The following DOCK9 variants were observed in gnomAD, a reference collection of about 807,000 sequenced individuals.
DOCK9 encodes dedicator of cytokinesis 9.
A neutral mutation model predicts 263.3 loss-of-function variants in DOCK9; 89 were observed. That is an observed-to-expected ratio of 0.34 (90% CI 0.28 to 0.40). The LOEUF (loss-of-function observed/expected upper bound fraction) is 0.40. Among genes scored for constraint, DOCK9 ranks in the 10% least tolerant of loss-of-function variants. The pLI, the probability that DOCK9 is intolerant of heterozygous loss-of-function variation, is 1.00. For synonymous variants in DOCK9, 976 were observed against 973.1 expected, an observed-to-expected ratio of 1.00 and a Z score of -0.06; for missense variants, 2,140 against 2,603.4, an observed-to-expected ratio of 0.82 and a Z score of 3.87.
At chr13:98,912,662 T>C (rs1299934281) in intron 9 of DOCK9, among the ~76,000 whole-genome samples, 1 of 152,062 alleles carries the variant, frequency 6.6e-6, no homozygotes, top group African/African-American at 2.4e-5. Context: ...GATCAAACAA[T>C]ACTGAATTAT....
intron 27 of DOCK9, among the ~76,000 whole-genome samples, chr13:98,876,454 G>C (rs1673380426): frequency 6.6e-6 from 1 of 152,206 alleles, no homozygotes; most frequent in Non-Finnish European, 1.5e-5. Flanking sequence ...TTGCGTCACA[G>C]CACTCCAGCC....
At chr13:98,934,110 G>C (rs949233606) in intron 2 of DOCK9, among the ~76,000 whole-genome samples, 2 of 152,026 alleles carry the variant, frequency 1.3e-5, no homozygotes, top group African/African-American at 4.8e-5. Flanking sequence ...TCACCATTTT[G>C]TCCAGGCTGG....
chr13:98,924,497 C>T (rs2052601756), intron 4 of DOCK9, among the ~76,000 whole-genome samples: 1 of 152,176 alleles, frequency 6.6e-6, no homozygotes, highest in Admixed American at 6.5e-5. Flanking sequence ...AATTTGCCAA[C>T]TGCTATGGTT....
At chr13:98,996,989 A>C (rs1207589477) in intron 1 of DOCK9, among the ~76,000 whole-genome samples, 4 of 152,238 alleles carry the variant, frequency 2.6e-5, no homozygotes, top group African/African-American at 9.6e-5. Context: ...AACAGAAAGA[A>C]GACAAGAAAA....
rs1242442183 is a variant in DOCK9, at chr13:98,856,186, C to G, written c.3698-155G>C. ...ATTCCATTACTTCACCTTTAAAGAA[C>G]CAGGTCATATACAATGAGATAAAAA... On this transcript the variant is annotated intron_variant, in intron 33 of 52. Transcript: ENST00000682017. The G allele has an allele frequency of 1.9e-5, 13 of 689,476 alleles. 1 individual carries two copies. In the South Asian group the frequency reaches 2.7e-4, roughly 14 times the overall value. The allele number at this position is 689,476 out of a possible 1,614,324, so 42.7% of individuals were successfully genotyped here. A position where few individuals can be genotyped will look rare whatever the true frequency, so the allele number is the denominator to read the frequency against.
At chr13:98,847,701 GAAAC>G (rs2093431444) in intron 37 of DOCK9, 1 of 152,162 alleles carries the variant, frequency 6.6e-6, no homozygotes, top group African/African-American at 2.4e-5. Flanking sequence ...GATATATAGA[GAAAC>G]AAACCTCAAT....
At chr13:98,890,540 C>T (rs1296384222) in intron 15 of DOCK9, among the ~76,000 whole-genome samples, 1 of 152,208 alleles carries the variant, frequency 6.6e-6, no homozygotes, top group Admixed American at 6.5e-5. Flanking sequence ...AAACACAATG[C>T]CGCCTCACAG....
chr13:98,986,693 C>T (rs563282439), intron 1 of DOCK9, among the ~76,000 whole-genome samples: 1 of 152,262 alleles, frequency 6.6e-6, no homozygotes, highest in South Asian at 2.1e-4. Flanking sequence ...CTCATTGTAA[C>T]TGATTTCCTA....
Position 98,794,511 on chromosome 13 carries a change from T to C in DOCK9, c.*115A>G, listed in dbSNP as rs2139692171. 4 of 1,119,712 alleles carry C rather than the reference T, an allele frequency of 3.6e-6. No individual in the cohort carries two copies. In the East Asian group the frequency reaches 1.1e-4, roughly 30 times the overall value. The allele number at this position is 1,119,712 out of a possible 1,614,324, so 69.4% of individuals were successfully genotyped here. On this transcript the variant is annotated 3_prime_UTR_variant, in exon 53 of 53. Coordinates refer to ENST00000682017, the MANE Select transcript of DOCK9 (RefSeq NM_001366683.2). ...ATAACGTTGTTCTTTATTTCCTTTC[T>C]CTCCCCTTCCCCTTGGTCCTCCCTG...
At chr13:98,935,951 T>C (rs1308847034) in intron 2 of DOCK9, among the ~76,000 whole-genome samples, 1 of 152,142 alleles carries the variant, frequency 6.6e-6, no homozygotes, top group Non-Finnish European at 1.5e-5. Flanking sequence ...CACTTGTTTA[T>C]AATATGCTTC....
rs143314629 is a variant in DOCK9 at position 98,995,413 on chromosome 13, T to C, written c.130-39862A>G. ...ATTACTAGTTTATTTACAATTGTGTTAAGTGCAATGAAAGAAAAGTAGAGG... is the reference window on the plus strand; with the variant it reads ...ATTACTAGTTTATTTACAATTGTGTCAAGTGCAATGAAAGAAAAGTAGAGG... On this transcript the variant is annotated intron_variant, in intron 1 of 32. Coordinates refer to the DOCK9 transcript ENST00000427887. Among the ~76,000 whole-genome samples, 10 of 151,812 alleles carry C rather than the reference T, an allele frequency of 6.6e-5. No homozygotes were observed. In the East Asian group the frequency reaches 1.9e-3, roughly 29 times the overall value.
chr13:98,893,776 A>C (rs564840545), intron 15 of DOCK9, among the ~76,000 whole-genome samples: 2 of 152,364 alleles, frequency 1.3e-5, no homozygotes, highest in South Asian at 2.1e-4. Context: ...TTTTTAAAAA[A>C]TGAAAAAGGA....
chr13:99,074,528 T>C (rs577312712), intron 1 of DOCK9, among the ~76,000 whole-genome samples: 1 of 152,246 alleles, frequency 6.6e-6, no homozygotes, highest in East Asian at 1.9e-4. Flanking sequence ...AGACTTCGGG[T>C]CGCCCCACTC....
rs1021851569 is a variant in DOCK9 at position 98,826,988 on chromosome 13, A to C, written c.4966-101T>G. On this transcript the variant is annotated intron_variant, in intron 43 of 52. Transcript: ENST00000682017. Reference sequence around the variant, plus strand: ...TAATCAATGTATGAACGTATATATTAGATCTCAATGCACCAGCTAGTATTT... The same window carrying C: ...TAATCAATGTATGAACGTATATATTCGATCTCAATGCACCAGCTAGTATTT... 4 of 795,050 alleles carry C rather than the reference A, an allele frequency of 5.0e-6. No homozygotes were observed. The African/African-American group carries it at 7.0e-5, about 14-fold the overall frequency. The allele number at this position is 795,050 out of a possible 1,614,324, so 49.2% of individuals were successfully genotyped here.
intron 1 of DOCK9, among the ~76,000 whole-genome samples, chr13:99,060,343 C>T (rs954602774): frequency 6.6e-6 from 1 of 152,068 alleles, no homozygotes; most frequent in Non-Finnish European, 1.5e-5. Context: ...TCCCAAAGTG[C>T]TGGGATTACA....
intron 1 of DOCK9, among the ~76,000 whole-genome samples, chr13:99,058,122 G>C (rs2142263640): frequency 6.6e-6 from 1 of 151,624 alleles, no homozygotes; most frequent in Non-Finnish European, 1.5e-5. Flanking sequence ...CCCAGGCCTG[G>C]GTGGGGTGAT....
intron 30 of DOCK9, among the ~76,000 whole-genome samples, chr13:98,863,933 A>G (rs2093948392): frequency 6.6e-6 from 1 of 152,146 alleles, no homozygotes; most frequent in Admixed American, 6.5e-5. Flanking sequence ...AGCTAACAGA[A>G]CTGTATAAGA....
Position 98,902,347 on chromosome 13 carries a change from G to T in DOCK9, c.1321C>A (p.Gln441Lys), listed in dbSNP as rs779715450. The change falls in exon 12 of 53, where the codon CAG becomes AAG. Residue 441 changes from glutamine to lysine, a missense_variant. Gln to Lys is a moderately conservative substitution (Grantham distance 53). This residue lies in a region of DOCK9 where 1,521 missense variants were observed against 1,741.7 expected (regional missense o/e 0.87). Transcript: ENST00000682017. ...ATGCCCTTGAGGACAGATGGGCTCT[G>T]CCCACTGCCATTCATCAGCGCCGGG... ...TSPALMNGSGQSPSVLKGILH... is the reference protein window; with the variant it reads ...TSPALMNGSGKSPSVLKGILH... 1 of 1,614,008 alleles carries T rather than the reference G, an allele frequency of 6.2e-7. No homozygotes were observed. Among genetic ancestry groups the T allele is most frequent in the South Asian group, 1.1e-5 (1 of 91,078 alleles).
At chr13:98,827,749 A>G (rs2031900) in intron 43 of DOCK9, among the ~76,000 whole-genome samples, 139,299 of 152,274 alleles carry the variant, frequency 0.91, 64,146 homozygotes, top group Non-Finnish European at 0.98. Context: ...CTCTTGCAGT[A>G]CAAAGCAGGG....
Sources: gnomAD v4.1 joint callset for allele counts (sites outside exome capture counted in the v4.1 genomes callset) on GRCh38, gnomAD v4.1.1 for gene constraint, gnomAD v4.1.1 regional missense constraint, MANE v1.5 for transcripts, NCBI Gene and HGNC (gene_info 2026-07-23, HGNC 2026-07-21) for gene names.